Variants in ANO6 observed in about 807,000 individuals in gnomAD.
The protein encoded by ANO6 is anoctamin 6.
ANO6 carries 106 observed loss-of-function variants against 117.5 expected under a neutral mutation model. The observed-to-expected ratio is 0.90, with a 90% confidence interval of 0.77 to 1.06. The LOEUF is 1.06. Ranked by LOEUF, ANO6 falls within the 50% of genes least tolerant of loss-of-function variation. ANO6 has a pLI of 0.00. For missense variants in ANO6, 955 were observed against 1,121.1 expected (o/e 0.85, Z 2.12); for synonymous variants, 367 against 385.1 (o/e 0.95, Z 0.55).
intron 3 of ANO6, among the ~76,000 whole-genome samples, chr12:45,339,013 T>G (rs1940904941): frequency 6.6e-6 from 1 of 152,066 alleles, no homozygotes; most frequent in South Asian, 2.1e-4. Context: ...GCAGGGCAAA[T>G]GTGTCACCTT....
At chr12:45,272,019 A>AT (rs1938407177) in intron 1 of ANO6, among the ~76,000 whole-genome samples, 1 of 152,220 alleles carries the variant, frequency 6.6e-6, no homozygotes, top group African/African-American at 2.4e-5. Context: ...ACCATATATC[A>AT]TGGAAAATCT....
chr12:45,415,483 G>A (rs1943191374), intron 16 of ANO6, among the ~76,000 whole-genome samples: 1 of 152,216 alleles, frequency 6.6e-6, no homozygotes, highest in Admixed American at 6.5e-5. Context: ...CAGTTGACGG[G>A]CTGACTCCAC....
At chr12:45,297,456 TCAAA>T (rs1939332408) in intron 1 of ANO6, among the ~76,000 whole-genome samples, 1 of 152,250 alleles carries the variant, frequency 6.6e-6, no homozygotes, top group African/African-American at 2.4e-5. Flanking sequence ...TATATAAGTC[TCAAA>T]CAACTTTGCT....
chr12:45,381,087 C>G (rs953562809), intron 10 of ANO6, among the ~76,000 whole-genome samples: 5 of 152,192 alleles, frequency 3.3e-5, no homozygotes, highest in African/African-American at 1.2e-4. Flanking sequence ...CAAACTCTTA[C>G]AGCAACCAGA....
At chr12:45,366,832 T>A (rs1381106199) in intron 8 of ANO6, among the ~76,000 whole-genome samples, 3 of 152,214 alleles carry the variant, frequency 2.0e-5, no homozygotes, top group African/African-American at 7.2e-5. Context: ...TTGAACACTT[T>A]ATATTTTTTA....
chr12:45,353,783 A>G (rs554247969), intron 7 of ANO6, among the ~76,000 whole-genome samples: 7 of 152,316 alleles, frequency 4.6e-5, no homozygotes, highest in African/African-American at 1.7e-4. Context: ...CCAGAGTAAT[A>G]AAAGAAAATA....
chr12:45,224,726 G>A (rs868263381), intron 1 of ANO6, among the ~76,000 whole-genome samples: 8 of 152,062 alleles, frequency 5.3e-5, no homozygotes, highest in South Asian at 2.1e-4. Context: ...ATACACACTC[G>A]TCTTTTCTCA....
intron 1 of ANO6, among the ~76,000 whole-genome samples, chr12:45,286,759 A>G (rs2137267423): frequency 6.6e-6 from 1 of 152,340 alleles, no homozygotes; most frequent in Middle Eastern, 3.4e-3. Context: ...ACTATGTGTA[A>G]GTAACCAGGC....
At chr12:45,376,716 G>T (rs994715527) in intron 9 of ANO6, among the ~76,000 whole-genome samples, 2 of 138,188 alleles carry the variant, frequency 1.4e-5, no homozygotes, top group African/African-American at 5.3e-5. Flanking sequence ...ATGGGGGGAG[G>T]GGGGAGGGAT....
chr12:45,290,899 G>A (rs1939071555), intron 1 of ANO6, among the ~76,000 whole-genome samples: 1 of 152,126 alleles, frequency 6.6e-6, no homozygotes, highest in Non-Finnish European at 1.5e-5. Flanking sequence ...TAATGACAAA[G>A]CTACAGTGAT....
intron 2 of ANO6, among the ~76,000 whole-genome samples, chr12:45,305,516 A>G (rs1188991523): frequency 6.6e-6 from 1 of 152,190 alleles, no homozygotes; most frequent in Admixed American, 6.5e-5. Context: ...AGTCAGGAAA[A>G]TGGTGGCATA....
chr12:45,350,027 C>T (rs1306816885), intron 6 of ANO6, among the ~76,000 whole-genome samples: 1 of 152,074 alleles, frequency 6.6e-6, no homozygotes, highest in Non-Finnish European at 1.5e-5. Context: ...AAGGTCAGGG[C>T]CTGTGCCCTG....
intron 1 of ANO6, among the ~76,000 whole-genome samples, chr12:45,293,168 A>G (rs1939162560): frequency 6.6e-6 from 1 of 152,254 alleles, no homozygotes; most frequent in Non-Finnish European, 1.5e-5. Flanking sequence ...GAGGAATTGA[A>G]GAGCACTAGT....
chr12:45,361,951 A>G (rs1314983502), intron 8 of ANO6, among the ~76,000 whole-genome samples: 1 of 152,042 alleles, frequency 6.6e-6, no homozygotes, highest in African/African-American at 2.4e-5. Flanking sequence ...TTAGGTCTCT[A>G]GTTTTCTTAT....
chr12:45,343,746 A>G (rs1008353975), intron 3 of ANO6, among the ~76,000 whole-genome samples: 2 of 152,168 alleles, frequency 1.3e-5, no homozygotes, highest in South Asian at 2.1e-4. Flanking sequence ...AAATCCTGCC[A>G]CAGGAGAAAA....
intron 1 of ANO6, among the ~76,000 whole-genome samples, chr12:45,220,994 A>G (rs1466631876): frequency 1.1e-4 from 16 of 152,046 alleles, no homozygotes. Context: ...CAAGAACCTC[A>G]ATTTGTAGCC....
intron 11 of ANO6, among the ~76,000 whole-genome samples, chr12:45,389,761 T>C (rs990960983): frequency 6.6e-6 from 1 of 152,176 alleles, no homozygotes; most frequent in Admixed American, 6.5e-5. Flanking sequence ...ATCTATAAAA[T>C]GGGAATAATA....
chr12:45,297,671 G>C (rs1285300299), intron 1 of ANO6, among the ~76,000 whole-genome samples: 3 of 152,074 alleles, frequency 2.0e-5, no homozygotes, highest in Admixed American at 1.3e-4. Flanking sequence ...GTACCACCAA[G>C]GACTTTATTG....
intron 1 of ANO6, among the ~76,000 whole-genome samples, chr12:45,287,035 G>T (rs949961458): frequency 2.0e-5 from 3 of 152,210 alleles, no homozygotes; most frequent in African/African-American, 4.8e-5. Context: ...ACTATCCTAG[G>T]TGGTTGGGAT....
Sources: gnomAD v4.1 joint callset for allele counts (sites outside exome capture counted in the v4.1 genomes callset) on GRCh38, gnomAD v4.1.1 for gene constraint, MANE v1.5 for transcripts, NCBI Gene and HGNC (gene_info 2026-07-23, HGNC 2026-07-21) for gene names.